BMP6: variants seen among roughly 807,000 people sequenced by gnomAD.
BMP6 encodes the protein bone morphogenetic protein 6, also known as VG-1-R.
BMP6 carries 17 observed loss-of-function variants against 54.1 expected under a neutral mutation model. The ratio of observed to expected loss-of-function variants is 0.31; its 90% CI spans 0.22 to 0.47. BMP6 has a LOEUF of 0.47. Ranked by LOEUF, BMP6 falls within the 20% of genes least tolerant of loss-of-function variation. The probability of loss-of-function intolerance (pLI) is 1.00; values close to 1 mark genes in which losing one functional copy is unlikely to be tolerated. For missense variants in BMP6, 720 were observed against 690.4 expected (o/e 1.04, Z -0.48); for synonymous variants, 328 against 291.2 (o/e 1.13, Z -1.28).
intron 1 of BMP6, among the ~76,000 whole-genome samples, chr6:7,766,952 T>A (rs548496198): frequency 1.8e-3 from 173 of 96,706 alleles, no homozygotes; most frequent in Non-Finnish European, 3.7e-3. Context: ...TATTTTTATT[T>A]TTTATTTATT....
chr6:7,812,978 A>G (rs1445467703), intron 1 of BMP6, among the ~76,000 whole-genome samples: 2 of 147,156 alleles, frequency 1.4e-5, no homozygotes, highest in African/African-American at 2.5e-5. Context: ...TGAGGAAAAA[A>G]AAAACATGCT....
At chr6:7,808,199 C>G (rs745619881) in intron 1 of BMP6, among the ~76,000 whole-genome samples, 2 of 152,082 alleles carry the variant, frequency 1.3e-5, no homozygotes, top group African/African-American at 4.8e-5. Flanking sequence ...GGATTACAGG[C>G]GTGAGCCACC....
At chr6:7,823,037 T>G (rs1228234574) in intron 1 of BMP6, among the ~76,000 whole-genome samples, 1 of 152,104 alleles carries the variant, frequency 6.6e-6, no homozygotes, top group East Asian at 1.9e-4. Context: ...CTGCTTAGCA[T>G]TCTTGTAACA....
intron 1 of BMP6, among the ~76,000 whole-genome samples, chr6:7,789,839 A>G (rs900734957): frequency 5.3e-5 from 8 of 152,184 alleles, no homozygotes; most frequent in African/African-American, 1.2e-4. Flanking sequence ...GCCAGCCCAC[A>G]CTGAGCCTGT....
intron 1 of BMP6, among the ~76,000 whole-genome samples, chr6:7,831,711 T>C (rs1758796315): frequency 6.6e-6 from 1 of 152,202 alleles, no homozygotes; most frequent in Non-Finnish European, 1.5e-5. Flanking sequence ...TCTGGGCCAA[T>C]AGTGCTGCTG....
chr6:7,813,128 T>TATATATATATATATAG (rs1758463526), intron 1 of BMP6, among the ~76,000 whole-genome samples: 1 of 75,966 alleles, frequency 1.3e-5, no homozygotes, highest in African/African-American at 6.8e-5. Context: ...TATATATATA[T>TATATATATATATATAG]ATATATATAT....
chr6:7,780,655 G>A (rs1244658178), intron 1 of BMP6, among the ~76,000 whole-genome samples: 3 of 151,918 alleles, frequency 2.0e-5, no homozygotes, highest in Admixed American at 1.3e-4. Flanking sequence ...ACTTAGTAAG[G>A]GATCAATATA....
chr6:7,755,445 T>C (rs1757499947), intron 1 of BMP6, among the ~76,000 whole-genome samples: 1 of 152,274 alleles, frequency 6.6e-6, no homozygotes, highest in Non-Finnish European at 1.5e-5. Context: ...GTAAGAATTT[T>C]ACAACAGTAT....
intron 1 of BMP6, among the ~76,000 whole-genome samples, chr6:7,789,999 C>G (rs981917471): frequency 1.3e-5 from 2 of 152,130 alleles, no homozygotes; most frequent in African/African-American, 2.4e-5. Flanking sequence ...TGGCTGGGTT[C>G]TGTGTCCAAA....
intron 1 of BMP6, among the ~76,000 whole-genome samples, chr6:7,751,274 T>TG (rs1757418809): frequency 6.6e-6 from 1 of 152,212 alleles, no homozygotes; most frequent in Non-Finnish European, 1.5e-5. Flanking sequence ...GGCAAAGAAA[T>TG]GGAGCTCAGA....
At chr6:7,766,284 C>G (rs1462910891) in intron 1 of BMP6, among the ~76,000 whole-genome samples, 3 of 152,056 alleles carry the variant, frequency 2.0e-5, no homozygotes, top group African/African-American at 7.2e-5. Context: ...GCTTTGCAAT[C>G]TACCTCTAAT....
chr6:7,813,324 A>G (rs1758468587), intron 1 of BMP6, among the ~76,000 whole-genome samples: 1 of 146,784 alleles, frequency 6.8e-6, no homozygotes, highest in African/African-American at 2.5e-5. Context: ...AAATCATTAC[A>G]TAAAAATATA....
At chr6:7,807,027 A>G (rs1373833451) in intron 1 of BMP6, among the ~76,000 whole-genome samples, 1 of 152,208 alleles carries the variant, frequency 6.6e-6, no homozygotes, top group African/African-American at 2.4e-5. Context: ...TCCCATTTCA[A>G]TATTTAACAA....
intron 1 of BMP6, among the ~76,000 whole-genome samples, chr6:7,769,136 A>T (rs918989575): frequency 1.3e-5 from 2 of 152,252 alleles, no homozygotes; most frequent in East Asian, 3.8e-4. Flanking sequence ...AAAGCAAAAA[A>T]GTTTTGCAAA....
chr6:7,742,020 G>A (rs1332368362), intron 1 of BMP6, among the ~76,000 whole-genome samples: 1 of 152,228 alleles, frequency 6.6e-6, no homozygotes, highest in Non-Finnish European at 1.5e-5. Flanking sequence ...TAAAACTGGT[G>A]TATGCCGTCT....
intron 1 of BMP6, among the ~76,000 whole-genome samples, chr6:7,810,791 C>T (rs1186938463): frequency 1.3e-5 from 2 of 152,178 alleles, no homozygotes; most frequent in African/African-American, 4.8e-5. Flanking sequence ...GTATATGGTA[C>T]ATTTGGCTCT....
Position 7,728,027 on chromosome 6 carries a change from C to T in BMP6, c.664+408C>T, listed in dbSNP as rs148631397. Among the ~76,000 whole-genome samples the T allele has an allele frequency of 4.0e-3, 616 of 152,220 alleles. 6 individuals are homozygous for T. The highest frequency in any genetic ancestry group is 0.014 in the African/African-American group (567 of 41,528). On this transcript the variant is annotated intron_variant, in intron 1 of 6. Transcript: ENST00000283147. The stretch of plus-strand genomic sequence containing the variant: ...ATCCTGGGAAGAGGGCTCTTCAGTA[C>T]GATTTTCCCCTCTAAACTGCCGCCT...
At chr6:7,777,264 G>A (rs1156561007) in intron 1 of BMP6, among the ~76,000 whole-genome samples, 1 of 152,190 alleles carries the variant, frequency 6.6e-6, no homozygotes, top group Non-Finnish European at 1.5e-5. Flanking sequence ...GGTGGCAGGT[G>A]GCCTTCATGT....
chr6:7,764,529 C>T (rs17673876), intron 1 of BMP6, among the ~76,000 whole-genome samples: 12,332 of 152,132 alleles, frequency 0.081, 605 homozygotes, highest in Admixed American at 0.12. Context: ...CGTGCTACTG[C>T]GATGGACCTG....
Sources: gnomAD v4.1 joint callset for allele counts (sites outside exome capture counted in the v4.1 genomes callset) on GRCh38, gnomAD v4.1.1 for gene constraint, MANE v1.5 for transcripts, NCBI Gene and HGNC (gene_info 2026-07-23, HGNC 2026-07-21) for gene names.